THSD7A: variants seen among roughly 807,000 people sequenced by gnomAD.
THSD7A encodes the protein thrombospondin type 1 domain containing 7A, also known as thrombospondin type-1 domain-containing protein 7A.
Under a neutral mutation model 231.3 loss-of-function variants are expected in THSD7A, and 96 were observed. The ratio of observed to expected loss-of-function variants is 0.41; its 90% confidence interval spans 0.35 to 0.49. The LOEUF (loss-of-function observed/expected upper bound fraction) is 0.49, where lower values mean the gene tolerates loss of function less well. THSD7A is among the 20% of genes least tolerant of loss of function. THSD7A has a pLI of 0.05. For synonymous variants in THSD7A, 940 were observed against 743.3 expected (o/e 1.26, Z -4.30); for missense variants, 2,290 against 2,070.2 (o/e 1.11, Z -2.06).
intron 23 of THSD7A, among the ~76,000 whole-genome samples, chr7:11,386,400 A>G (rs922763910): frequency 3.9e-5 from 6 of 152,132 alleles, no homozygotes; most frequent in African/African-American, 1.4e-4. Context: ...CTTTTAAATG[A>G]TCACCATTCT....
At chr7:11,673,409 C>T (rs544557136) in intron 1 of THSD7A, among the ~76,000 whole-genome samples, 175 of 152,264 alleles carry the variant, frequency 1.1e-3, no homozygotes, top group African/African-American at 4.0e-3. Context: ...CCCATAGGCA[C>T]CCATCTCCCA....
intron 23 of THSD7A, chr7:11,384,486 T>C (rs549178991): frequency 2.0e-5 from 3 of 151,922 alleles, no homozygotes. Context: ...GTATTTACAG[T>C]TTGTTCTTCA....
chr7:11,703,146 G>A (rs1406878335), intron 1 of THSD7A, among the ~76,000 whole-genome samples: 2 of 151,206 alleles, frequency 1.3e-5, no homozygotes, highest in Non-Finnish European at 3.0e-5. Flanking sequence ...CAGCCTTCTC[G>A]AGTGAGCCAG....
intron 1 of THSD7A, among the ~76,000 whole-genome samples, chr7:11,712,596 C>G (rs1046753851): frequency 1.3e-5 from 2 of 150,836 alleles, no homozygotes; most frequent in African/African-American, 4.9e-5. Flanking sequence ...TCTCATGAGG[C>G]CAGCTATTGA....
intron 6 of THSD7A, among the ~76,000 whole-genome samples, chr7:11,488,029 C>G (rs1452323098): frequency 1.3e-5 from 2 of 152,054 alleles, no homozygotes; most frequent in East Asian, 1.9e-4. Flanking sequence ...AATTGCAACT[C>G]ACAACATAAT....
intron 6 of THSD7A, among the ~76,000 whole-genome samples, chr7:11,538,606 C>T (rs1174378985): frequency 1.3e-5 from 2 of 152,070 alleles, no homozygotes; most frequent in South Asian, 2.1e-4. Context: ...TAGGTTCCTG[C>T]GTTTGTGTTC....
At chr7:11,630,625 TC>T (rs1242755845) in intron 2 of THSD7A, among the ~76,000 whole-genome samples, 1 of 152,192 alleles carries the variant, frequency 6.6e-6, no homozygotes, top group African/African-American at 2.4e-5. Flanking sequence ...TCTGTCTTAT[TC>T]CCTCAGGAAT....
intron 12 of THSD7A, 150 bp downstream of exon 12, chr7:11,447,080 C>CT: frequency 1.3e-6 from 1 of 759,822 alleles, no homozygotes; most frequent in Non-Finnish European, 2.1e-6. Context: ...GTACATAATG[C>CT]TTTTATCACT....
chr7:11,393,272 C>A (rs1364123006), intron 23 of THSD7A, among the ~76,000 whole-genome samples: 11 of 152,142 alleles, frequency 7.2e-5, no homozygotes, highest in Admixed American at 7.2e-4. Context: ...CTCCAGCAGA[C>A]CTGCAGCAGA....
At chr7:11,384,772 C>T (rs971481225) in intron 23 of THSD7A, 1 of 151,906 alleles carries the variant, frequency 6.6e-6, no homozygotes, top group Non-Finnish European at 1.5e-5. Context: ...ATGTAAGTCC[C>T]TTGAATTAGT....
chr7:11,772,844 T>G (rs966124851), intron 1 of THSD7A, among the ~76,000 whole-genome samples: 6 of 152,178 alleles, frequency 3.9e-5, no homozygotes, highest in Non-Finnish European at 8.8e-5. Context: ...AACCTGTACA[T>G]GCAACCCCTC....
At chr7:11,821,066 G>T in intron 1 of THSD7A, 3 of 991,182 alleles carry the variant, frequency 3.0e-6, no homozygotes, top group South Asian at 1.4e-5. Flanking sequence ...CATGTTTTAT[G>T]AAAGTACTGC....
chr7:11,550,730 A>C (rs763318031), intron 4 of THSD7A, among the ~76,000 whole-genome samples: 6 of 152,132 alleles, frequency 3.9e-5, no homozygotes, highest in Non-Finnish European at 7.4e-5. Flanking sequence ...AAATGAACTA[A>C]TTCAGATAGG....
intron 6 of THSD7A, among the ~76,000 whole-genome samples, chr7:11,522,221 G>A (rs1788295991): frequency 6.6e-6 from 1 of 152,120 alleles, no homozygotes; most frequent in Non-Finnish European, 1.5e-5. Context: ...TCCTTGGACA[G>A]AATTCCTACT....
chr7:11,500,506 C>A lies in THSD7A; in HGVS notation c.1823-18524G>T, dbSNP rs113325622. Among the ~76,000 whole-genome samples the A allele has an allele frequency of 7.9e-3, 1,195 of 152,128 alleles. 14 individuals carry two copies. Among genetic ancestry groups the A allele is most frequent in the African/African-American group, 0.028 (1,147 of 41,498 alleles). On this transcript the variant is annotated intron_variant, in intron 6 of 27. Coordinates refer to ENST00000423059, the MANE Select transcript of THSD7A (RefSeq NM_015204.3). ...TAAATGGGCTAAATAACCCCACTTACAAGGCACAGAGTGGCAAGCTGGATA... is the reference window on the plus strand; with the variant it reads ...TAAATGGGCTAAATAACCCCACTTAAAAGGCACAGAGTGGCAAGCTGGATA...
intron 16 of THSD7A, among the ~76,000 whole-genome samples, chr7:11,423,709 G>T (rs1034412049): frequency 6.6e-6 from 1 of 152,098 alleles, no homozygotes; most frequent in Non-Finnish European, 1.5e-5. Context: ...TTTAAAAAGA[G>T]TGATGGGAGA....
chr7:11,465,095 T>A (rs367933149), intron 9 of THSD7A, among the ~76,000 whole-genome samples: 109 of 152,316 alleles, frequency 7.2e-4, no homozygotes, highest in African/African-American at 2.4e-3. Flanking sequence ...ATATTTGTAG[T>A]GTTTCTATTC....
At chr7:11,710,668 T>C (rs971308562) in intron 1 of THSD7A, among the ~76,000 whole-genome samples, 1 of 150,876 alleles carries the variant, frequency 6.6e-6, no homozygotes, top group Non-Finnish European at 1.5e-5. Context: ...TGATTGAAGT[T>C]TGCAAAATGC....
intron 6 of THSD7A, among the ~76,000 whole-genome samples, chr7:11,524,015 A>T (rs892785165): frequency 9.2e-5 from 14 of 152,184 alleles, no homozygotes; most frequent in Non-Finnish European, 2.1e-4. Context: ...TTTCTATGTA[A>T]AAGTTTCTAT....
Sources: gnomAD v4.1 joint callset for allele counts (sites outside exome capture counted in the v4.1 genomes callset) on GRCh38, gnomAD v4.1.1 for gene constraint, MANE v1.5 for transcripts, NCBI Gene and HGNC (gene_info 2026-07-23, HGNC 2026-07-21) for gene names.